The following AHNAK variants were observed in gnomAD, a reference collection of about 807,000 sequenced individuals.
AHNAK encodes the protein AHNAK nucleoprotein, also known as neuroblast differentiation-associated protein AHNAK.
AHNAK carries 23 observed loss-of-function variants against 37.8 expected under a neutral mutation model. The ratio of observed to expected loss-of-function variants is 0.61; its 90% CI spans 0.44 to 0.86. AHNAK has a LOEUF of 0.86. AHNAK is among the 40% of genes least tolerant of loss of function. AHNAK has a pLI of 0.00. For missense variants in AHNAK, 7,411 were observed against 7,319.4 expected, an observed-to-expected ratio of 1.01 and a Z score of -0.46; for synonymous variants, 2,481 against 2,636.3, an observed-to-expected ratio of 0.94 and a Z score of 1.80.
chr11:62,535,998 A>T lies in AHNAK; in HGVS notation c.101T>A (p.Val34Glu). The change falls in exon 3 of 5, where the codon GTG becomes GAG. Residue 34 changes from valine (V) to glutamate (E), a missense_variant. By Grantham distance (121) the Val-to-Glu change is moderately radical. Coordinates refer to ENST00000378024, the MANE Select transcript of AHNAK (RefSeq NM_001620.3). ...AGGGGAGTTCTGCGTCACCTCCTGC[A>T]CAAAGACGCCGTCGTCCCTCTGGGC... ...TIAQRDDGVF[V>E]QEVTQNSPAA... The T allele has an allele frequency of 6.2e-7, 1 of 1,613,046 alleles. No homozygotes were observed. The highest frequency in any genetic ancestry group is 8.5e-7 in the Non-Finnish European group (1 of 1,179,594).
At chr11:62,491,687 C>T in intron 5 of AHNAK, 1 of 1,527,848 alleles carries the variant, frequency 6.5e-7, no homozygotes, top group Non-Finnish European at 8.9e-7. Flanking sequence ...GTATCATTAT[C>T]ATAATCAAGG....
chr11:62,455,789 T>C (rs1339038786), intron 5 of AHNAK, among the ~76,000 whole-genome samples: 1 of 151,458 alleles, frequency 6.6e-6, no homozygotes, highest in Non-Finnish European at 1.5e-5. Context: ...CGCTTGAACC[T>C]GGGAGGCGGA....
chr11:62,503,149 G>A (rs1261979994), intron 4 of AHNAK, among the ~76,000 whole-genome samples: 2 of 152,150 alleles, frequency 1.3e-5, no homozygotes, highest in Admixed American at 6.5e-5. Flanking sequence ...TGGGGGACAC[G>A]CCCTGACTCC....
chr11:62,447,648 C>T (rs972732543), intron 5 of AHNAK, among the ~76,000 whole-genome samples: 5 of 145,728 alleles, frequency 3.4e-5, no homozygotes, highest in Non-Finnish European at 6.2e-5. Flanking sequence ...GCTGACATAG[C>T]CCTCCTCCCT....
intron 5 of AHNAK, among the ~76,000 whole-genome samples, chr11:62,486,289 A>G (rs1370623437): frequency 6.6e-6 from 1 of 152,108 alleles, no homozygotes; most frequent in Non-Finnish European, 1.5e-5. Context: ...AGCCTGACCA[A>G]CATGGAGAAA....
In AHNAK at chr11:62,532,732, C is replaced by G. The variant is rs1353864921; in HGVS notation, c.1685G>C (p.Gly562Ala). The G allele has an allele frequency of 1.2e-6, 2 of 1,613,980 alleles. No individual in the cohort carries two copies. Among genetic ancestry groups the G allele is most frequent in the Admixed American group, 3.3e-5 (2 of 60,002 alleles). Residue 562 changes from glycine to alanine, a missense_variant, in exon 5 of 5, where the codon GGG (glycine) becomes GCG (alanine). Coordinates refer to ENST00000378024, the MANE Select transcript of AHNAK (RefSeq NM_001620.3). ...AGAGATCCTACAGGTTCCGGTTTTC[C>G]CGGAAGGACTGCCAAGCCTAGGGCC... is the stretch of plus-strand genomic sequence containing the variant. ...LTGPRLGSPS[G>A]KTGTCRISMS...
intron 5 of AHNAK, among the ~76,000 whole-genome samples, chr11:62,441,708 G>T (rs1265694820): frequency 1.3e-5 from 2 of 151,842 alleles, no homozygotes; most frequent in African/African-American, 4.8e-5. Flanking sequence ...CACCATGTTG[G>T]CCAGGCTGGT....
intron 5 of AHNAK, among the ~76,000 whole-genome samples, chr11:62,474,853 G>T (rs1939111036): frequency 6.6e-6 from 1 of 152,104 alleles, no homozygotes; most frequent in Admixed American, 6.6e-5. Context: ...CCACCTTCAG[G>T]CCTCTGAAAA....
At chr11:62,437,670 C>T (rs1264042743) in intron 5 of AHNAK, among the ~76,000 whole-genome samples, 1 of 152,138 alleles carries the variant, frequency 6.6e-6, no homozygotes, top group Non-Finnish European at 1.5e-5. Flanking sequence ...AAATCCCTTA[C>T]CCAAATACTT....
At position 62,493,050 on chromosome 11, in the gene AHNAK, G is replaced by A. The variant is rs575098535; in HGVS notation, c.343-1219C>T. Among the ~76,000 whole-genome samples, 5 of 125,426 alleles carry A rather than the reference G, an allele frequency of 4.0e-5. No homozygotes were observed. The South Asian group carries it at 1.3e-3, about 31-fold the overall frequency. The allele number at this position is 125,426 out of a possible 152,430, so 82.3% of individuals were successfully genotyped here. ...TTTTTGAGACAGAGTCTCACTGTGT[G>A]TCCCAGGCTGGAGGGCAGTGGCCAG... On this transcript the variant is annotated intron_variant, in intron 4 of 5. Coordinates refer to the AHNAK transcript ENST00000257247.
chr11:62,503,218 G>A (rs972667776), intron 4 of AHNAK, among the ~76,000 whole-genome samples: 14 of 152,248 alleles, frequency 9.2e-5, no homozygotes, highest in African/African-American at 3.1e-4. Flanking sequence ...GGTTGTCCAC[G>A]ATTACATAAC....
intron 4 of AHNAK, among the ~76,000 whole-genome samples, chr11:62,497,821 A>C (rs1050217825): frequency 2.6e-5 from 4 of 152,114 alleles, no homozygotes; most frequent in Admixed American, 2.0e-4. Flanking sequence ...CAATTTTGCC[A>C]GGCGTGGTGG....
Position 62,518,393 on chromosome 11 carries a change from C to G in AHNAK, c.16024G>C (p.Gly5342Arg), listed in dbSNP as rs1940104106. 1.9e-6 allele frequency: 3 copies of G among 1,614,132 alleles called. No individual in the cohort carries two copies. The highest frequency in any genetic ancestry group is 3.3e-5 in the Admixed American group (2 of 60,026). The change falls in exon 5 of 5, where the codon GGA becomes CGA. Residue 5342 changes from glycine (G) to arginine (R), a missense_variant. Transcript: ENST00000378024. The part of the protein sequence containing the change: ...SGVGGKMQVG[G>R]DGVKVPGIDA... ...ATCCCTGGCACTTTCACACCGTCTC[C>G]TCCCACCTGCATTTTGCCACCGACA...
rs769650757 is a variant in AHNAK at position 62,526,231 on chromosome 11, A to G, written c.8186T>C (p.Leu2729Pro). 6.2e-7 allele frequency: 1 copy of G among 1,613,800 alleles called. No homozygotes were observed. The highest frequency in any genetic ancestry group is 8.5e-7 in the Non-Finnish European group (1 of 1,179,966). ...PKVKGDVDVSLPKVEGDLKGP... is the reference protein window; with the variant it reads ...PKVKGDVDVSPPKVEGDLKGP... Reference sequence around the variant, plus strand: ...CTTGAGGTCACCTTCCACTTTAGGAAGGGAAACATCCACATCACCCTTCAC... The same window carrying G: ...CTTGAGGTCACCTTCCACTTTAGGAGGGGAAACATCCACATCACCCTTCAC... The change falls in exon 5 of 5, where the codon CTT becomes CCT. Residue 2729 changes from leucine to proline, a missense_variant. By Grantham distance (98) the Leu-to-Pro change is moderately conservative. Coordinates refer to ENST00000378024, the MANE Select transcript of AHNAK (RefSeq NM_001620.3).
intron 5 of AHNAK, among the ~76,000 whole-genome samples, chr11:62,479,324 C>T (rs1233231972): frequency 6.6e-6 from 1 of 151,876 alleles, no homozygotes; most frequent in Non-Finnish European, 1.5e-5. Flanking sequence ...TGCACCACCA[C>T]GTCTGGCTAA....
chr11:62,450,020 G>A (rs1213112878), intron 5 of AHNAK, among the ~76,000 whole-genome samples: 2 of 152,172 alleles, frequency 1.3e-5, no homozygotes, highest in Non-Finnish European at 2.9e-5. Context: ...TGAGGTAGGT[G>A]GATCGCTTGG....
rs1939211616 is a variant in AHNAK, at chr11:62,479,170, T to TTC, written c.442+12561_442+12562insGA. 5.5e-5 allele frequency among the ~76,000 whole-genome samples: 8 copies of TTC among 145,430 alleles called. No homozygotes were observed. In the South Asian group the frequency reaches 1.8e-3, roughly 32 times the overall value. ...CTTTTCTTTTTTTTTCTTTTTTCTT[T>TTC]TTTTTTTTTTTTTTGATACGGAGTT... On this transcript the variant is annotated intron_variant, in intron 5 of 5. Coordinates refer to the AHNAK transcript ENST00000257247.
At position 62,433,847 on chromosome 11, in the gene AHNAK, C is replaced by T. The variant is rs778515001; in HGVS notation, c.*37G>A. The T allele has an allele frequency of 2.4e-5, 38 of 1,613,520 alleles. No individual in the cohort carries two copies. The South Asian group carries it at 3.7e-4, about 16-fold the overall frequency. ...ATGCTCCAAAGAACGGTCACAAAAA[C>T]AACCTTAAGAGGGGGTGGTTTTCTT... On this transcript the variant is annotated 3_prime_UTR_variant, in exon 6 of 6. Transcript: ENST00000257247.
At chr11:62,501,671 C>T (rs185636009) in intron 4 of AHNAK, among the ~76,000 whole-genome samples, 14 of 152,374 alleles carry the variant, frequency 9.2e-5, no homozygotes, top group Non-Finnish European at 1.2e-4. Flanking sequence ...CACAAATACT[C>T]TACTGCGCTC....
Sources: allele counts gnomAD v4.1 joint callset (sites outside exome capture counted in the v4.1 genomes callset), GRCh38; gene constraint gnomAD v4.1.1; transcripts MANE v1.5; gene names NCBI Gene and HGNC (gene_info 2026-07-23, HGNC 2026-07-21).